Variants in DGKI observed in about 807,000 individuals in gnomAD.
DGKI encodes DAG kinase iota.
In DGKI, 55 loss-of-function variants were observed where a neutral mutation model predicts 147.5. The observed-to-expected ratio is 0.37, with a 90% confidence interval of 0.30 to 0.47. The LOEUF is 0.47. DGKI is among the 20% of genes least tolerant of loss of function. The pLI is 1.00. For synonymous variants in DGKI, 469 were observed against 477.1 expected, an observed-to-expected ratio of 0.98 and a Z score of 0.22; for missense variants, 1,007 against 1,323.8, an observed-to-expected ratio of 0.76 and a Z score of 3.71.
chr7:137,487,879 G>A (rs1242290201), intron 21 of DGKI, among the ~76,000 whole-genome samples, 190 bp from the exon 22 acceptor site: 1 of 151,978 alleles, frequency 6.6e-6, no homozygotes, highest in Non-Finnish European at 1.5e-5. Context: ...GTTTGCAGTT[G>A]TCACACACTT....
intron 1 of DGKI, among the ~76,000 whole-genome samples, chr7:137,754,751 G>A (rs1485798093): frequency 6.6e-6 from 1 of 152,196 alleles, no homozygotes; most frequent in African/African-American, 2.4e-5. Context: ...AAAGGCAGAG[G>A]CAGAAACGGC....
intron 1 of DGKI, among the ~76,000 whole-genome samples, chr7:137,697,787 A>C (rs1225650968): frequency 6.6e-6 from 1 of 152,160 alleles, no homozygotes; most frequent in African/African-American, 2.4e-5. Flanking sequence ...GACTAATTAG[A>C]ATATGCTCCA....
intron 19 of DGKI, among the ~76,000 whole-genome samples, chr7:137,563,892 T>A (rs1190459703): frequency 6.6e-6 from 1 of 152,152 alleles, no homozygotes; most frequent in Non-Finnish European, 1.5e-5. Context: ...TTAAATGCAA[T>A]TCCAATTAAA....
intron 19 of DGKI, among the ~76,000 whole-genome samples, chr7:137,568,930 AC>A (rs71177911): frequency 6.6e-6 from 1 of 151,778 alleles, no homozygotes. Flanking sequence ...GAAAAAAAAA[AC>A]ACCCATACCA....
intron 21 of DGKI, among the ~76,000 whole-genome samples, chr7:137,501,168 T>C (rs991252320): frequency 5.3e-5 from 8 of 152,174 alleles, no homozygotes; most frequent in Non-Finnish European, 1.2e-4. Context: ...TGTCCTCCAG[T>C]TCCATCCATG....
intron 28 of DGKI, among the ~76,000 whole-genome samples, chr7:137,427,612 G>A (rs1324333952): frequency 6.6e-6 from 1 of 152,126 alleles, no homozygotes; most frequent in African/African-American, 2.4e-5. Flanking sequence ...GAATCCAGGA[G>A]CTGGTTTTTT....
At chr7:137,416,768 CATT>C (rs1016958422) in intron 28 of DGKI, among the ~76,000 whole-genome samples, 6 of 152,134 alleles carry the variant, frequency 3.9e-5, no homozygotes, top group Admixed American at 1.3e-4. Flanking sequence ...CGCTCCCAAG[CATT>C]GTTATTTATG....
At chr7:137,507,273 A>T (rs1816400118) in intron 21 of DGKI, among the ~76,000 whole-genome samples, 1 of 152,234 alleles carries the variant, frequency 6.6e-6, no homozygotes, top group South Asian at 2.1e-4. Context: ...CTTGAGCTAA[A>T]CCAGGTCCTG....
At chr7:137,640,379 T>C (rs577392641) in intron 6 of DGKI, among the ~76,000 whole-genome samples, 2 of 152,120 alleles carry the variant, frequency 1.3e-5, no homozygotes, top group East Asian at 3.9e-4. Flanking sequence ...CCAGCAGTCA[T>C]GTGGGCAGGG....
At chr7:137,429,270 T>G (rs1812960594) in intron 28 of DGKI, among the ~76,000 whole-genome samples, 1 of 151,252 alleles carries the variant, frequency 6.6e-6, no homozygotes, top group Non-Finnish European at 1.5e-5. Flanking sequence ...CTATCTGATC[T>G]TTGACAAACC....
intron 28 of DGKI, among the ~76,000 whole-genome samples, chr7:137,415,107 G>A (rs546414299): frequency 1.6e-4 from 25 of 152,108 alleles, no homozygotes; most frequent in African/African-American, 4.8e-4. Flanking sequence ...AGAACCCATC[G>A]GATTAGAAGC....
intron 8 of DGKI, among the ~76,000 whole-genome samples, chr7:137,619,070 G>A (rs1296947500): frequency 1.3e-5 from 2 of 152,200 alleles, no homozygotes; most frequent in African/African-American, 2.4e-5. Flanking sequence ...TCTTCCTACA[G>A]TACCTGCACC....
chr7:137,693,371 A>G (rs3800626), intron 1 of DGKI, among the ~76,000 whole-genome samples: 44,850 of 152,098 alleles, frequency 0.29, 7,207 homozygotes, highest in South Asian at 0.49. Context: ...GCTTCATAGG[A>G]GATGGCTATA....
chr7:137,754,682 G>A lies in DGKI; in HGVS notation c.402-64680C>T, dbSNP rs141875531. Among the ~76,000 whole-genome samples the A allele has an allele frequency of 6.0e-4, 92 of 152,302 alleles. 2 individuals are homozygous for A. The highest frequency in any genetic ancestry group is 2.0e-3 in the African/African-American group (85 of 41,546). Reference sequence around the variant, plus strand: ...TAAGAAAAGAACAAGGTGGGTAGACGTGTGCCTACTATAAATAGATCCACG... The same window carrying A: ...TAAGAAAAGAACAAGGTGGGTAGACATGTGCCTACTATAAATAGATCCACG... On this transcript the variant is annotated intron_variant, in intron 1 of 32. Coordinates refer to ENST00000614521, the MANE Select transcript of DGKI (RefSeq NM_001321708.2).
intron 1 of DGKI, chr7:137,722,508 T>C (rs74879021): frequency 6.2e-7 from 1 of 1,611,272 alleles, no homozygotes; most frequent in Non-Finnish European, 8.5e-7. Context: ...GCTTGTTACT[T>C]GTGACTGGAC....
At chr7:137,645,700 G>A (rs895369664) in intron 5 of DGKI, among the ~76,000 whole-genome samples, 163 bp from the exon 6 acceptor site, 1 of 152,158 alleles carries the variant, frequency 6.6e-6, no homozygotes, top group African/African-American at 2.4e-5. Context: ...CTGAATAGTG[G>A]GAACTACAGG....
intron 1 of DGKI, among the ~76,000 whole-genome samples, chr7:137,808,339 G>A (rs1389540119): frequency 2.0e-5 from 3 of 152,090 alleles, no homozygotes; most frequent in Admixed American, 6.5e-5. Context: ...AAAAATGGTA[G>A]GTGCCATTTA....
chr7:137,699,770 C>T (rs900849072), intron 1 of DGKI, among the ~76,000 whole-genome samples: 1 of 152,122 alleles, frequency 6.6e-6, no homozygotes, highest in African/African-American at 2.4e-5. Flanking sequence ...TCGATGCTAG[C>T]ACACTTGGTC....
chr7:137,413,470 T>C (rs1019380754), intron 28 of DGKI, among the ~76,000 whole-genome samples: 2 of 152,088 alleles, frequency 1.3e-5, no homozygotes, highest in African/African-American at 2.4e-5. Flanking sequence ...GTGTCTATTG[T>C]TCCCATCTTT....
Sources: allele counts gnomAD v4.1 joint callset (sites outside exome capture counted in the v4.1 genomes callset), GRCh38; gene constraint gnomAD v4.1.1; transcripts MANE v1.5; gene names NCBI Gene and HGNC (gene_info 2026-07-23, HGNC 2026-07-21).